TAF3: variants seen among roughly 807,000 people sequenced by gnomAD.
The protein encoded by TAF3 is TATA-box binding protein associated factor 3.
TAF3 carries 7 observed loss-of-function variants against 80.6 expected under a neutral mutation model. The ratio of observed to expected loss-of-function variants is 0.09; its 90% CI spans 0.05 to 0.16. The LOEUF (loss-of-function observed/expected upper bound fraction) is 0.16. Ranked by LOEUF, TAF3 falls within the 10% of genes least tolerant of loss-of-function variation. TAF3 has a pLI of 1.00. For missense variants in TAF3, 921 were observed against 1,140.2 expected (o/e 0.81, Z 2.77); for synonymous variants, 444 against 446.1 (o/e 1.00, Z 0.06).
chr10:7,874,779 C>T (rs967547746), intron 2 of TAF3, among the ~76,000 whole-genome samples: 1 of 151,278 alleles, frequency 6.6e-6, no homozygotes, highest in Non-Finnish European at 1.5e-5. Flanking sequence ...CTTTTCTTTT[C>T]TAGGTGCAGA....
intron 2 of TAF3, among the ~76,000 whole-genome samples, chr10:7,916,295 T>C (rs2131184294): frequency 6.6e-6 from 1 of 152,364 alleles, no homozygotes. Context: ...TTAAGTTGCA[T>C]ACATGCATAA....
intron 2 of TAF3, among the ~76,000 whole-genome samples, chr10:7,828,691 T>G: frequency 6.8e-6 from 1 of 147,600 alleles, no homozygotes; most frequent in African/African-American, 2.5e-5. Flanking sequence ...CACTGGTCAA[T>G]GGGGGTCTTC....
chr10:7,836,280 T>A (rs1164926812), intron 2 of TAF3, among the ~76,000 whole-genome samples: 1 of 121,164 alleles, frequency 8.3e-6, no homozygotes, highest in African/African-American at 3.1e-5. Flanking sequence ...TTTCCACGTT[T>A]TCTTTTTTCT....
Position 7,965,100 on chromosome 10 carries a change from G to A in TAF3, c.1590G>A (p.Lys530=), listed in dbSNP as rs998583300. 13 of 1,613,660 alleles carry A rather than the reference G, an allele frequency of 8.1e-6. No homozygotes were observed. Among genetic ancestry groups the A allele is most frequent in the Non-Finnish European group, 1.1e-5 (13 of 1,179,964 alleles). ...EVKKKLKKEL[K]TKMKKKEKQR... is the part of the protein sequence containing the mutation. ...AGAAGAAGTTGAAAAAGGAACTAAA[G>A]ACTAAAATGAAAAAGAAAGAAAAGC... The change falls in exon 3 of 7, where the codon AAG becomes AAA. Residue 530 remains lysine, a synonymous_variant. Coordinates refer to ENST00000344293, the MANE Select transcript of TAF3 (RefSeq NM_031923.4).
At position 7,865,234 on chromosome 10, in the gene TAF3, G is replaced by A. The variant is rs1302484963; in HGVS notation, c.409+40674G>A. 4.6e-5 allele frequency among the ~76,000 whole-genome samples: 7 copies of A among 152,090 alleles called. No individual in the cohort carries two copies. In the South Asian group the frequency reaches 6.2e-4, roughly 14 times the overall value. The stretch of plus-strand genomic sequence containing the variant: ...TGTAATCCCAGCACTCTGGGAGGCC[G>A]AGGCGGGCGGATCATGAGGTCAGGA... On this transcript the variant is annotated intron_variant, in intron 2 of 6. Transcript: ENST00000344293.
At chr10:7,985,278 A>T (rs1831764986) in intron 4 of TAF3, among the ~76,000 whole-genome samples, 1 of 152,170 alleles carries the variant, frequency 6.6e-6, no homozygotes, top group Non-Finnish European at 1.5e-5. Flanking sequence ...TCCAGGCTCT[A>T]GGAAAGAGTA....
rs1271943951 is a variant in TAF3 at position 7,930,033 on chromosome 10, C to T, written c.410-33887C>T. 2.0e-5 allele frequency among the ~76,000 whole-genome samples: 3 copies of T among 152,114 alleles called. 1 individual carries two copies. Among genetic ancestry groups the T allele is most frequent in the South Asian group, 4.1e-4 (2 of 4,822 alleles). ...CCTGGGCACGATAGGGAGGCCCTGA[C>T]CCTACCAAAAACAAAATAGCAAAGT... On this transcript the variant is annotated intron_variant, in intron 2 of 6. Coordinates refer to ENST00000344293, the MANE Select transcript of TAF3 (RefSeq NM_031923.4).
intron 4 of TAF3, among the ~76,000 whole-genome samples, chr10:7,991,344 A>T (rs1453505394): frequency 1.3e-5 from 2 of 152,204 alleles, no homozygotes; most frequent in Non-Finnish European, 2.9e-5. Context: ...TCAAATGATT[A>T]TTCATTAAAT....
At chr10:7,951,135 C>G (rs1298423928) in intron 2 of TAF3, among the ~76,000 whole-genome samples, 1 of 152,212 alleles carries the variant, frequency 6.6e-6, no homozygotes, top group Non-Finnish European at 1.5e-5. Context: ...CTCTTAAGAG[C>G]AGTGGTTCAG....
At chr10:7,896,352 C>T (rs1240504638) in intron 2 of TAF3, among the ~76,000 whole-genome samples, 2 of 152,188 alleles carry the variant, frequency 1.3e-5, no homozygotes, top group Non-Finnish European at 2.9e-5. Flanking sequence ...AGTTCTAATG[C>T]TGTCCTGTGC....
At chr10:7,832,926 T>G (rs2131106359) in intron 2 of TAF3, among the ~76,000 whole-genome samples, 1 of 152,346 alleles carries the variant, frequency 6.6e-6, no homozygotes, top group Admixed American at 6.5e-5. Flanking sequence ...CAGGGTGCAG[T>G]AGCTCACACT....
intron 2 of TAF3, among the ~76,000 whole-genome samples, chr10:7,869,684 A>G (rs1368574428): frequency 6.6e-6 from 1 of 152,160 alleles, no homozygotes; most frequent in Non-Finnish European, 1.5e-5. Flanking sequence ...CTTTTGATAC[A>G]TATTTCAGTT....
chr10:7,923,994 A>G (rs1007365680), intron 2 of TAF3, among the ~76,000 whole-genome samples: 2 of 152,192 alleles, frequency 1.3e-5, no homozygotes, highest in African/African-American at 4.8e-5. Flanking sequence ...TGATAGAAAC[A>G]AAATTTCAGA....
intron 2 of TAF3, among the ~76,000 whole-genome samples, chr10:7,848,300 T>C (rs1318241868): frequency 1.3e-5 from 2 of 152,122 alleles, no homozygotes; most frequent in Non-Finnish European, 2.9e-5. Context: ...ACATACACAA[T>C]TGGGAATAGT....
At chr10:7,935,520 C>G (rs374272292) in intron 2 of TAF3, among the ~76,000 whole-genome samples, 2 of 147,002 alleles carry the variant, frequency 1.4e-5, no homozygotes, top group African/African-American at 5.0e-5. Context: ...GGAGGCGGAG[C>G]TTGCAGTGAG....
intron 2 of TAF3, among the ~76,000 whole-genome samples, chr10:7,937,806 T>C (rs1000692944): frequency 6.6e-6 from 1 of 152,234 alleles, no homozygotes; most frequent in African/African-American, 2.4e-5. Context: ...TTAACTTGTT[T>C]ATTCTTAGCT....
At chr10:7,906,459 T>G (rs1414559290) in intron 2 of TAF3, among the ~76,000 whole-genome samples, 4 of 152,112 alleles carry the variant, frequency 2.6e-5, no homozygotes, top group African/African-American at 4.8e-5. Context: ...ATTTGCTGAT[T>G]AAGATTACTA....
intron 4 of TAF3, among the ~76,000 whole-genome samples, chr10:7,987,652 C>T (rs968227740): frequency 1.2e-4 from 18 of 152,118 alleles, no homozygotes; most frequent in South Asian, 4.1e-4. Flanking sequence ...TCTCACCAGC[C>T]GTACATGAGG....
intron 2 of TAF3, among the ~76,000 whole-genome samples, chr10:7,897,866 G>T (rs991061696): frequency 4.0e-5 from 6 of 151,832 alleles, no homozygotes; most frequent in African/African-American, 1.2e-4. Flanking sequence ...TCACTTTGGT[G>T]CCCAGGCTGG....
Sources: allele counts gnomAD v4.1 joint callset (sites outside exome capture counted in the v4.1 genomes callset), GRCh38; gene constraint gnomAD v4.1.1; transcripts MANE v1.5; gene names NCBI Gene and HGNC (gene_info 2026-07-23, HGNC 2026-07-21).